ZNF385B: variants seen among roughly 807,000 people sequenced by gnomAD.
ZNF385B encodes the protein zinc finger protein 385B.
In ZNF385B, 23 loss-of-function variants were observed where a neutral mutation model predicts 39.2. The ratio of observed to expected loss-of-function variants is 0.59; its 90% CI spans 0.42 to 0.83. The LOEUF is 0.83. Among genes scored for constraint, ZNF385B ranks in the 40% least tolerant of loss-of-function variants. The probability of loss-of-function intolerance (pLI) is 0.00; values close to 1 mark genes in which losing one functional copy is unlikely to be tolerated. For synonymous variants in ZNF385B, 205 were observed against 222.6 expected, an observed-to-expected ratio of 0.92 and a Z score of 0.70; for missense variants, 552 against 598.9, an observed-to-expected ratio of 0.92 and a Z score of 0.82.
chr2:179,520,665 C>T (rs1479933573), intron 4 of ZNF385B, among the ~76,000 whole-genome samples: 2 of 152,170 alleles, frequency 1.3e-5, no homozygotes, highest in Non-Finnish European at 2.9e-5. Context: ...AAGAAGCCCA[C>T]TGTTTTGCAA....
chr2:179,822,110 T>G (rs1707432013), intron 1 of ZNF385B, among the ~76,000 whole-genome samples: 2 of 152,176 alleles, frequency 1.3e-5, no homozygotes, highest in Non-Finnish European at 2.9e-5. Flanking sequence ...TGAAAAAAAT[T>G]TCCTACACAA....
intron 1 of ZNF385B, among the ~76,000 whole-genome samples, chr2:179,811,381 A>C (rs1336234407): frequency 1.3e-5 from 2 of 152,198 alleles, no homozygotes; most frequent in African/African-American, 2.4e-5. Context: ...AAAGTCATAG[A>C]TATTGCATTA....
chr2:179,611,928 C>G (rs1447073059), intron 3 of ZNF385B, among the ~76,000 whole-genome samples: 1 of 152,000 alleles, frequency 6.6e-6, no homozygotes, highest in Non-Finnish European at 1.5e-5. Context: ...TTCCCTTTCT[C>G]TCCCTTCTTA....
intron 3 of ZNF385B, among the ~76,000 whole-genome samples, chr2:179,679,435 A>T (rs1240785652): frequency 2.0e-5 from 3 of 152,230 alleles, no homozygotes; most frequent in African/African-American, 7.2e-5. Context: ...TTCAGCGAGA[A>T]GACTGAGTTC....
chr2:179,690,160 G>A (rs1236452721), intron 3 of ZNF385B, among the ~76,000 whole-genome samples: 5 of 152,154 alleles, frequency 3.3e-5, no homozygotes, highest in East Asian at 1.9e-4. Context: ...AGATGATAAC[G>A]GCACAATGAG....
At chr2:179,777,196 A>G (rs1395142283) in intron 1 of ZNF385B, among the ~76,000 whole-genome samples, 1 of 151,942 alleles carries the variant, frequency 6.6e-6, no homozygotes, top group Non-Finnish European at 1.5e-5. Context: ...TAATGAGAAC[A>G]AGGAATGGAT....
At chr2:179,810,939 T>C (rs534502988) in intron 1 of ZNF385B, among the ~76,000 whole-genome samples, 271 of 152,196 alleles carry the variant, frequency 1.8e-3, no homozygotes, top group Non-Finnish European at 3.4e-3. Flanking sequence ...TTCCCAGAAC[T>C]GATAGATGAC....
intron 3 of ZNF385B, among the ~76,000 whole-genome samples, chr2:179,710,930 T>C (rs1349449824): frequency 6.6e-6 from 1 of 152,166 alleles, no homozygotes; most frequent in African/African-American, 2.4e-5. Context: ...TTAGTGACAA[T>C]TGCACCTCGT....
chr2:179,838,928 A>AGGG (rs35164869), intron 1 of ZNF385B, among the ~76,000 whole-genome samples: 150 of 131,110 alleles, frequency 1.1e-3, no homozygotes, highest in African/African-American at 2.9e-3. Flanking sequence ...CCAAAAAAAA[A>AGGG]GGGGGGGGGG....
chr2:179,747,151 G>T (rs377072575), intron 3 of ZNF385B, among the ~76,000 whole-genome samples: 18 of 152,206 alleles, frequency 1.2e-4, no homozygotes, highest in African/African-American at 4.1e-4. Context: ...ACATTTAGAA[G>T]TGTCTACAAT....
intron 3 of ZNF385B, among the ~76,000 whole-genome samples, chr2:179,704,543 G>A (rs1215677044): frequency 2.0e-5 from 3 of 152,196 alleles, no homozygotes; most frequent in African/African-American, 7.2e-5. Flanking sequence ...GGCCTACTAA[G>A]ACACCATGAC....
chr2:179,518,416 A>G, intron 5 of ZNF385B, 112 bp downstream of exon 5: 2 of 763,692 alleles, frequency 2.6e-6, no homozygotes, highest in South Asian at 3.8e-5. Context: ...TTAGTGGGCT[A>G]CCAATAGGAG....
intron 6 of ZNF385B, among the ~76,000 whole-genome samples, chr2:179,481,399 AT>A (rs1244263406): frequency 2.3e-5 from 3 of 132,358 alleles, no homozygotes; most frequent in Non-Finnish European, 5.0e-5. Flanking sequence ...TTTTTTTTCT[AT>A]TTTTTTCTCT....
intron 3 of ZNF385B, among the ~76,000 whole-genome samples, chr2:179,701,738 G>C (rs2106365555): frequency 6.6e-6 from 1 of 152,254 alleles, no homozygotes; most frequent in Middle Eastern, 3.4e-3. Flanking sequence ...TGCCACCTCA[G>C]GTGCCTTTGC....
rs192235856 is a variant in ZNF385B, at chr2:179,549,701, G to A, written c.299-4732C>T. ...TCGTTCCAGAACATTATTGGCAATA[G>A]TGTTTAATGGACTGTCATACTTCAT... is the stretch of plus-strand genomic sequence containing the variant. On this transcript the variant is annotated intron_variant, in intron 3 of 9. Coordinates refer to ENST00000410066, the MANE Select transcript of ZNF385B (RefSeq NM_152520.6). Among the ~76,000 whole-genome samples, 818 of 149,504 alleles carry A rather than the reference G, an allele frequency of 5.5e-3. 35 individuals are homozygous for A. Among genetic ancestry groups the A allele is most frequent in the Non-Finnish European group, 7.5e-3 (507 of 67,598 alleles).
chr2:179,747,942 T>C (rs1026716563), intron 3 of ZNF385B, among the ~76,000 whole-genome samples: 3 of 152,182 alleles, frequency 2.0e-5, no homozygotes, highest in Non-Finnish European at 4.4e-5. Flanking sequence ...TTAGTTCATG[T>C]CACGTTTTCC....
At chr2:179,676,051 G>C (rs1276952714) in intron 3 of ZNF385B, among the ~76,000 whole-genome samples, 1 of 151,326 alleles carries the variant, frequency 6.6e-6, no homozygotes, top group Non-Finnish European at 1.5e-5. Context: ...GCCTCCCACA[G>C]TGCTGGGATT....
chr2:179,445,591 T>C lies in ZNF385B; in HGVS notation c.1099A>G (p.Ile367Val). Reference sequence around the variant, plus strand: ...TCTGAATTAACATGAACATCACAGATTTCACAATGAAATGTCTTGTTCTGT... The same window carrying C: ...TCTGAATTAACATGAACATCACAGACTTCACAATGAAATGTCTTGTTCTGT... ...GLQNKTFHCE[I>V]CDVHVNSEIQ... The change falls in exon 8 of 10, where the codon ATC (isoleucine) becomes GTC (valine). Residue 367 changes from isoleucine (I) to valine (V), a missense_variant. Physicochemically the swap from Ile to Val is conservative, Grantham distance 29 (BLOSUM62 3). Transcript: ENST00000410066. 6.2e-7 allele frequency: 1 copy of C among 1,612,390 alleles called. No homozygotes were observed. Among genetic ancestry groups the C allele is most frequent in the Non-Finnish European group, 8.5e-7 (1 of 1,179,564 alleles).
intron 3 of ZNF385B, among the ~76,000 whole-genome samples, chr2:179,701,407 TAC>T (rs1489960737): frequency 2.0e-5 from 3 of 152,238 alleles, no homozygotes; most frequent in Admixed American, 6.5e-5. Flanking sequence ...ACTGAGAATT[TAC>T]AGTGTGCTAG....
Sources: gnomAD v4.1 joint callset for allele counts (sites outside exome capture counted in the v4.1 genomes callset) on GRCh38, gnomAD v4.1.1 for gene constraint, MANE v1.5 for transcripts, NCBI Gene and HGNC (gene_info 2026-07-23, HGNC 2026-07-21) for gene names.